The following ADGRB3 variants were observed in gnomAD, a reference collection of about 807,000 sequenced individuals.
The protein encoded by ADGRB3 is adhesion G protein-coupled receptor B3, also known as brain-specific angiogenesis inhibitor 3.
Under a neutral mutation model 193.4 loss-of-function variants are expected in ADGRB3, and 37 were observed. The ratio of observed to expected loss-of-function variants is 0.19; its 90% CI spans 0.15 to 0.25. The LOEUF (loss-of-function observed/expected upper bound fraction) is 0.25. ADGRB3 is among the 10% of genes least tolerant of loss of function. The pLI, the probability that ADGRB3 is intolerant of heterozygous loss-of-function variation, is 1.00. For synonymous variants in ADGRB3, 690 were observed against 644.2 expected (o/e 1.07, Z -1.08); for missense variants, 1,637 against 1,852.9 (o/e 0.88, Z 2.14).
Position 69,361,170 on chromosome 6 carries a change from T to C in ADGRB3, c.3897T>C (p.Pro1299=), listed in dbSNP as rs754910095. Residue 1299 remains proline (P), a synonymous_variant, in exon 29 of 32, where the codon CCT becomes CCC. Transcript: ENST00000370598. ...GGGCTGACATGGACATAGTCCATCCTCAAGAAAGAATGATGGAAAGTGACT... is the reference window on the plus strand; with the variant it reads ...GGGCTGACATGGACATAGTCCATCCCCAAGAAAGAATGATGGAAAGTGACT... ...LRGADMDIVH[P]QERMMESDYI... The C allele has an allele frequency of 6.2e-7, 1 of 1,612,794 alleles. No individual in the cohort carries two copies. The highest frequency in any genetic ancestry group is 2.2e-5 in the East Asian group (1 of 44,820).
At chr6:68,820,125 G>A (rs886642627) in intron 3 of ADGRB3, among the ~76,000 whole-genome samples, 1 of 151,936 alleles carries the variant, frequency 6.6e-6, no homozygotes, top group East Asian at 1.9e-4. Context: ...ACCTTCTACT[G>A]GGTACTCACC....
intron 26 of ADGRB3, among the ~76,000 whole-genome samples, chr6:69,353,252 T>C (rs1005943839): frequency 2.0e-5 from 3 of 152,238 alleles, no homozygotes; most frequent in Non-Finnish European, 4.4e-5. Flanking sequence ...AGAACTTTCG[T>C]GAGATGTGTT....
Position 68,676,389 on chromosome 6 carries a change from C to CAA in ADGRB3, c.757+36978_757+36979dup, listed in dbSNP as rs70987431. Among the ~76,000 whole-genome samples the CAA allele has an allele frequency of 9.1e-3, 768 of 84,344 alleles. 13 individuals carry two copies. Among genetic ancestry groups the CAA allele is most frequent in the African/African-American group, 0.019 (382 of 20,432 alleles). 55.3% of individuals were successfully genotyped at this position (84,344 alleles called of 152,430 possible). ...CTGGCGACAGAGAGAGACTCTGTCT[C>CAA]AAAAAAAAAAAAAAAAAAAAAAGAA... On this transcript the variant is annotated intron_variant, in intron 3 of 31. Coordinates refer to ENST00000370598, the MANE Select transcript of ADGRB3 (RefSeq NM_001704.3).
intron 29 of ADGRB3, 51 bp downstream of exon 29, chr6:69,361,563 T>C (rs1561999300): frequency 3.3e-6 from 5 of 1,534,498 alleles, no homozygotes; most frequent in Middle Eastern, 1.8e-4. Flanking sequence ...TATGAATAGA[T>C]ATAAATAGAG....
chr6:68,717,328 G>C (rs949957972), intron 3 of ADGRB3, among the ~76,000 whole-genome samples: 1 of 151,592 alleles, frequency 6.6e-6, no homozygotes, highest in African/African-American at 2.4e-5. Context: ...AGATGCTAAT[G>C]TCCCCAATTC....
intron 3 of ADGRB3, among the ~76,000 whole-genome samples, chr6:68,864,037 A>C (rs1765226871): frequency 6.6e-6 from 1 of 152,100 alleles, no homozygotes; most frequent in Admixed American, 6.5e-5. Context: ...ACCCCTATCA[A>C]TTCTTCTTTT....
intron 17 of ADGRB3, among the ~76,000 whole-genome samples, chr6:69,083,249 T>C (rs1772439922): frequency 6.6e-6 from 1 of 152,234 alleles, no homozygotes; most frequent in Admixed American, 6.5e-5. Context: ...ATAATCCTTA[T>C]ATTTTCCGCT....
chr6:68,997,509 A>AG (rs71536453), intron 11 of ADGRB3, among the ~76,000 whole-genome samples: 8 of 149,380 alleles, frequency 5.4e-5, no homozygotes, highest in African/African-American at 2.0e-4. Flanking sequence ...AAAAAAAAAA[A>AG]GCAGTGCATG....
intron 5 of ADGRB3, among the ~76,000 whole-genome samples, chr6:68,938,342 A>G (rs1189264770): frequency 6.6e-6 from 1 of 151,536 alleles, no homozygotes; most frequent in Admixed American, 6.6e-5. Flanking sequence ...CAGAAGAAAA[A>G]CAAGTAGAAG....
At chr6:69,009,951 A>G (rs574064945) in intron 11 of ADGRB3, among the ~76,000 whole-genome samples, 62 of 152,270 alleles carry the variant, frequency 4.1e-4, no homozygotes, top group Middle Eastern at 3.4e-3. Context: ...ATAATCCATG[A>G]GAAATCTGCC....
intron 31 of ADGRB3, 69 bp downstream of exon 31, chr6:69,383,004 G>A: frequency 1.9e-6 from 2 of 1,067,120 alleles, no homozygotes; most frequent in South Asian, 1.6e-5. Context: ...TGCCTTCCAG[G>A]ACCTCCTAAT....
At chr6:68,640,135 G>T (rs1768050946) in intron 3 of ADGRB3, among the ~76,000 whole-genome samples, 1 of 152,152 alleles carries the variant, frequency 6.6e-6, no homozygotes, top group African/African-American at 2.4e-5. Flanking sequence ...CCTGAGGACG[G>T]GGTGGAGGGG....
At chr6:69,073,412 G>A (rs990370956) in intron 16 of ADGRB3, among the ~76,000 whole-genome samples, 2 of 152,074 alleles carry the variant, frequency 1.3e-5, no homozygotes, top group Non-Finnish European at 2.9e-5. Context: ...GTTCAGCTAA[G>A]AGCCGGGTTC....
chr6:68,949,807 A>T (rs1225282777), intron 6 of ADGRB3, among the ~76,000 whole-genome samples: 1 of 152,058 alleles, frequency 6.6e-6, no homozygotes, highest in Non-Finnish European at 1.5e-5. Context: ...AGCTTAAAAG[A>T]TTTTTAAATT....
chr6:69,326,135 C>T (rs1270628755), intron 21 of ADGRB3, among the ~76,000 whole-genome samples: 4 of 151,998 alleles, frequency 2.6e-5, no homozygotes, highest in Admixed American at 6.6e-5. Context: ...CCCAGCTACT[C>T]GGGAGGCTAA....
At chr6:68,992,110 C>G (rs1280244963) in intron 10 of ADGRB3, among the ~76,000 whole-genome samples, 2 of 152,078 alleles carry the variant, frequency 1.3e-5, no homozygotes, top group African/African-American at 4.8e-5. Context: ...AGCAGATAAT[C>G]ACCATTCTCT....
chr6:68,854,845 G>A (rs536494086), intron 3 of ADGRB3, among the ~76,000 whole-genome samples: 1 of 152,272 alleles, frequency 6.6e-6, no homozygotes, highest in East Asian at 1.9e-4. Context: ...GACCCCAGCT[G>A]CAGACTTCAG....
At chr6:69,340,217 A>G (rs559433050) in intron 26 of ADGRB3, among the ~76,000 whole-genome samples, 9 of 152,330 alleles carry the variant, frequency 5.9e-5, no homozygotes, top group African/African-American at 2.2e-4. Flanking sequence ...GAATGCAGAC[A>G]CTAACTAGCA....
intron 8 of ADGRB3, among the ~76,000 whole-genome samples, chr6:68,962,302 A>G (rs1768258319): frequency 6.6e-6 from 1 of 152,182 alleles, no homozygotes; most frequent in South Asian, 2.1e-4. Flanking sequence ...TTCTGCAGCA[A>G]ATCAAGCTGA....
Sources: allele counts gnomAD v4.1 joint callset (sites outside exome capture counted in the v4.1 genomes callset), GRCh38; gene constraint gnomAD v4.1.1; transcripts MANE v1.5; gene names NCBI Gene and HGNC (gene_info 2026-07-23, HGNC 2026-07-21).